NFIX: variants seen among roughly 807,000 people sequenced by gnomAD.
The protein encoded by NFIX is nuclear factor I X.
NFIX carries 2 observed loss-of-function variants against 53.3 expected under a neutral mutation model. The ratio of observed to expected loss-of-function variants is 0.04; its 90% CI spans 0.02 to 0.12. NFIX has a LOEUF of 0.12. Among genes scored for constraint, NFIX ranks in the 10% least tolerant of loss-of-function variants. The probability of loss-of-function intolerance (pLI) is 1.00; values close to 1 mark genes in which losing one functional copy is unlikely to be tolerated. For synonymous variants in NFIX, 244 were observed against 289.0 expected (o/e 0.84, Z 1.58); for missense variants, 310 against 674.5 (o/e 0.46, Z 5.99).
rs2014177742 is a variant in NFIX, at chr19:13,036,223, A to G, written c.559+10671A>G. On this transcript the variant is annotated intron_variant, in intron 2 of 10. Coordinates refer to ENST00000592199, the MANE Select transcript of NFIX (RefSeq NM_001365902.3). The surrounding 1 kb of genome is among the most constrained non-coding windows in gnomAD (Gnocchi z 4.7). ...GAGGGCTCTCCTTCGTGTGGAGTAG[A>G]CCCTTCGCCAACTGGCCTGGCGTGT... Among the ~76,000 whole-genome samples the G allele has an allele frequency of 6.6e-6, 1 of 152,088 alleles. No individual in the cohort carries two copies. The highest frequency in any genetic ancestry group is 2.1e-4 in the South Asian group (1 of 4,818).
At chr19:13,055,135 C>T (rs958169016) in intron 2 of NFIX, among the ~76,000 whole-genome samples, 6 of 151,858 alleles carry the variant, frequency 4.0e-5, no homozygotes, top group African/African-American at 1.5e-4. Flanking sequence ...AGACCTCCCG[C>T]CGGCTGTCAC....
intron 2 of NFIX, among the ~76,000 whole-genome samples, chr19:13,042,572 G>A (rs1165477085): frequency 6.6e-6 from 1 of 151,880 alleles, no homozygotes; most frequent in Non-Finnish European, 1.5e-5. Flanking sequence ...TGGCCAGCCT[G>A]GTCTTGAACT....
In NFIX at chr19:13,025,661, G is replaced by C. The variant is rs2013281220; in HGVS notation, c.559+109G>C. ...GCGATAACTCGCCATGGGCCTAACT[G>C]GTGTATGCCCGTCCTGCGGGGCCTG... On this transcript the variant is annotated intron_variant, in intron 2 of 10. Transcript: ENST00000592199. This position sits in a 1 kb window ranked among gnomAD's most constrained non-coding sequence, Gnocchi z 7.5. The C allele has an allele frequency of 7.8e-7, 1 of 1,281,490 alleles. No homozygotes were observed. Among genetic ancestry groups the C allele is most frequent in the Admixed American group, 2.2e-5 (1 of 46,362 alleles). The allele number at this position is 1,281,490 out of a possible 1,614,324, so 79.4% of individuals were successfully genotyped here.
intron 1 of NFIX, among the ~76,000 whole-genome samples, chr19:13,008,517 G>A (rs576727753): frequency 2.6e-5 from 4 of 152,146 alleles, no homozygotes; most frequent in Admixed American, 6.5e-5. Context: ...GACGTTACTC[G>A]CTTGCTCCAA....
chr19:13,082,097 G>A (rs1163927989), intron 8 of NFIX: 1 of 536,902 alleles, frequency 1.9e-6, no homozygotes. Flanking sequence ...CCCTTGCTCA[G>A]TCAGGCTCCT....
rs562103650 is a variant in NFIX, at chr19:13,057,118, T to A, written c.560-15929T>A. 3.9e-5 allele frequency among the ~76,000 whole-genome samples: 6 copies of A among 152,348 alleles called. No individual in the cohort carries two copies. The South Asian group carries it at 8.3e-4, about 21-fold the overall frequency. On this transcript the variant is annotated intron_variant, in intron 2 of 10. Transcript: ENST00000592199. ...GAGTCTCAGGGCAAGGCCGCACTTGTCACCCTTAGGTGAACCTGACAGTGG... is the reference window on the plus strand; with the variant it reads ...GAGTCTCAGGGCAAGGCCGCACTTGACACCCTTAGGTGAACCTGACAGTGG...
Position 13,090,847 on chromosome 19 carries a change from G to A in NFIX, c.1494+457G>A, listed in dbSNP as rs1318072262. 6.6e-6 allele frequency among the ~76,000 whole-genome samples: 1 copy of A among 152,226 alleles called. No individual in the cohort carries two copies. Among genetic ancestry groups the A allele is most frequent in the Non-Finnish European group, 1.5e-5 (1 of 68,042 alleles). On this transcript the variant is annotated intron_variant, in intron 10 of 10. Coordinates refer to ENST00000592199, the MANE Select transcript of NFIX (RefSeq NM_001365902.3). This position sits in a 1 kb window ranked among gnomAD's most constrained non-coding sequence, Gnocchi z 6.6. ...GGACAGAGGGCCTGGTGGGCTGCGTGCCCAGAACTGGCACTGAGGGCAGGG... is the reference window on the plus strand; with the variant it reads ...GGACAGAGGGCCTGGTGGGCTGCGTACCCAGAACTGGCACTGAGGGCAGGG...
chr19:13,074,334 G>C (rs527425021), intron 5 of NFIX, among the ~76,000 whole-genome samples: 1 of 152,278 alleles, frequency 6.6e-6, no homozygotes, highest in Admixed American at 6.5e-5. Flanking sequence ...ACACAGAGGG[G>C]GTTGTTGGGG....
At position 13,006,727 on chromosome 19, in the gene NFIX, C is replaced by T. The variant is rs537739383; in HGVS notation, c.27+10863C>T. Among the ~76,000 whole-genome samples the T allele has an allele frequency of 5.7e-4, 87 of 152,266 alleles. No individual in the cohort carries two copies. The highest frequency in any genetic ancestry group is 2.0e-3 in the African/African-American group (84 of 41,548). On this transcript the variant is annotated intron_variant, in intron 1 of 10. Transcript: ENST00000592199. The surrounding 1 kb of genome is among the most constrained non-coding windows in gnomAD (Gnocchi z 5.6). ...TATCAGGCTTTGTCTGTTGGGTTCC[C>T]CAACTCCCACCAGGGCCCCAGATTC...
Position 13,043,938 on chromosome 19 carries a change from A to G in NFIX, c.559+18386A>G, listed in dbSNP as rs1187874000. On this transcript the variant is annotated intron_variant, in intron 2 of 10. Coordinates refer to ENST00000592199, the MANE Select transcript of NFIX (RefSeq NM_001365902.3). This position sits in a 1 kb window ranked among gnomAD's most constrained non-coding sequence, Gnocchi z 4.0. ...CCAGGAGTTCGAGCCTGGGCCACGT[A>G]GCAAGACCCCCATCTCTATAAAATA... 6.6e-6 allele frequency among the ~76,000 whole-genome samples: 1 copy of G among 152,158 alleles called. No individual in the cohort carries two copies. The highest frequency in any genetic ancestry group is 6.5e-5 in the Admixed American group (1 of 15,282).
At chr19:12,999,177 ATTTT>A (rs370783768) in intron 1 of NFIX, among the ~76,000 whole-genome samples, 1 of 140,540 alleles carries the variant, frequency 7.1e-6, no homozygotes, top group African/African-American at 2.6e-5. Context: ...TTCTTTTTCT[ATTTT>A]TTTTTTTTTT....
At chr19:13,033,763 T>A (rs909126372) in intron 2 of NFIX, among the ~76,000 whole-genome samples, 1 of 152,390 alleles carries the variant, frequency 6.6e-6, no homozygotes, top group African/African-American at 2.4e-5. Flanking sequence ...TGGGTGTGTG[T>A]GCACTCAGGT....
At chr19:13,015,800 A>ACG (rs2012629919) in intron 1 of NFIX, among the ~76,000 whole-genome samples, 2 of 142,662 alleles carry the variant, frequency 1.4e-5, no homozygotes, top group East Asian at 4.4e-4. Context: ...TCACACACAC[A>ACG]CACACACACA....
rs1360559503 is a variant in NFIX, at chr19:13,093,862, A to G, written c.1495-773A>G. 6.6e-6 allele frequency among the ~76,000 whole-genome samples: 1 copy of G among 152,020 alleles called. No individual in the cohort carries two copies. Among genetic ancestry groups the G allele is most frequent in the Admixed American group, 6.5e-5 (1 of 15,278 alleles). On this transcript the variant is annotated intron_variant, in intron 10 of 10. Coordinates refer to ENST00000592199, the MANE Select transcript of NFIX (RefSeq NM_001365902.3). The surrounding 1 kb of genome is among the most constrained non-coding windows in gnomAD (Gnocchi z 4.7). Reference sequence around the variant, plus strand: ...GGAGCCTTGGATGGAGGGCGTAGCCAAGCAGCCCAGACCCTTGGGGTCTGC... The same window carrying G: ...GGAGCCTTGGATGGAGGGCGTAGCCGAGCAGCCCAGACCCTTGGGGTCTGC...
intron 1 of NFIX, among the ~76,000 whole-genome samples, chr19:13,015,030 C>G (rs933886584): frequency 7.9e-5 from 12 of 152,240 alleles, no homozygotes; most frequent in African/African-American, 2.6e-4. Flanking sequence ...GGGTTAGTGC[C>G]CACAGGCGCT....
chr19:13,082,814 C>T (rs1037562101), intron 8 of NFIX, among the ~76,000 whole-genome samples: 1 of 152,224 alleles, frequency 6.6e-6, no homozygotes, highest in African/African-American at 2.4e-5. Context: ...AAGCCTGCTG[C>T]GAGAGGTCAG....
At chr19:13,026,862 C>T (rs1269126879) in intron 2 of NFIX, among the ~76,000 whole-genome samples, 2 of 152,102 alleles carry the variant, frequency 1.3e-5, no homozygotes, top group African/African-American at 2.4e-5. Flanking sequence ...CTTCAACTCT[C>T]GCAAAGGTTG....
intron 2 of NFIX, among the ~76,000 whole-genome samples, chr19:13,035,940 G>A (rs2014155170): frequency 6.6e-6 from 1 of 152,216 alleles, no homozygotes; most frequent in Non-Finnish European, 1.5e-5. Flanking sequence ...TTTCCCTGAG[G>A]TGACAGTTTC....
At position 13,027,249 on chromosome 19, in the gene NFIX, G is replaced by A. The variant is rs1398540955; in HGVS notation, c.559+1697G>A. On this transcript the variant is annotated intron_variant, in intron 2 of 10. Coordinates refer to ENST00000592199, the MANE Select transcript of NFIX (RefSeq NM_001365902.3). The surrounding 1 kb of genome is among the most constrained non-coding windows in gnomAD (Gnocchi z 4.3). ...CGGCCCTGTGTGACCATCGTGACCC[G>A]TCATGCAGAAGGGCCAGGTGCCAGT... Among the ~76,000 whole-genome samples the A allele has an allele frequency of 1.3e-5, 2 of 152,164 alleles. No homozygotes were observed. The highest frequency in any genetic ancestry group is 6.5e-5 in the Admixed American group (1 of 15,276).
Sources: gnomAD v4.1 joint callset for allele counts (sites outside exome capture counted in the v4.1 genomes callset) on GRCh38, gnomAD v4.1.1 for gene constraint, Gnocchi (gnomAD v3.1) non-coding constraint, MANE v1.5 for transcripts, NCBI Gene and HGNC (gene_info 2026-07-23, HGNC 2026-07-21) for gene names.